The following COL11A1 variants were observed in gnomAD, a reference collection of about 807,000 sequenced individuals.
COL11A1 encodes collagen type XI alpha 1 chain.
A neutral mutation model predicts 265.2 loss-of-function variants in COL11A1; 74 were observed. The observed-to-expected ratio is 0.28, with a 90% CI of 0.23 to 0.34. The LOEUF (loss-of-function observed/expected upper bound fraction) is 0.34. Ranked by LOEUF, COL11A1 falls within the 10% of genes least tolerant of loss-of-function variation. The probability of loss-of-function intolerance (pLI) is 1.00; values close to 1 mark genes in which losing one functional copy is unlikely to be tolerated. For synonymous variants in COL11A1, 816 were observed against 727.6 expected, an observed-to-expected ratio of 1.12 and a Z score of -1.96; for missense variants, 2,165 against 2,263.6, an observed-to-expected ratio of 0.96 and a Z score of 0.88.
chr1:103,006,808 G>A (rs1387485364), intron 15 of COL11A1, among the ~76,000 whole-genome samples: 1 of 152,040 alleles, frequency 6.6e-6, no homozygotes, highest in Non-Finnish European at 1.5e-5. Context: ...GATTACAGGC[G>A]TGAGCCACCG....
rs745667185 is a variant in COL11A1, at chr1:102,962,276, T to A, written c.3025-11A>T. ...AGGACCTGGATCACCCTAAAGAATA[T>A]AATAAACATCGTCAAGACAGATTAA... is the stretch of plus-strand genomic sequence containing the variant. On this transcript the variant is annotated splice_polypyrimidine_tract_variant and intron_variant, in intron 39 of 66. Coordinates refer to ENST00000370096, the MANE Select transcript of COL11A1 (RefSeq NM_001854.4). 5 of 1,592,296 alleles carry A rather than the reference T, an allele frequency of 3.1e-6. No individual in the cohort carries two copies. Among genetic ancestry groups the A allele is most frequent in the Admixed American group, 1.7e-5 (1 of 59,960 alleles).
At position 103,017,833 on chromosome 1, in the gene COL11A1, T is replaced by C; in HGVS notation, c.1400A>G (p.Asp467Gly). The C allele has an allele frequency of 1.9e-6, 3 of 1,613,036 alleles. No individual in the cohort carries two copies. Among genetic ancestry groups the C allele is most frequent in the Non-Finnish European group, 2.5e-6 (3 of 1,179,144 alleles). The change falls in exon 11 of 67, where the codon GAC becomes GGC. Residue 467 changes from aspartate (D) to glycine (G), a missense_variant. Physicochemically the swap from Asp to Gly is moderately conservative, Grantham distance 94. Transcript: ENST00000370096. ...GLQGPTGPPG[D>G]PGDRGPPGRP... ...CCATTCACTTACCCTATCGCCAGGG[T>C]CACCAGGGGGTCCAGTGGGGCCTTG...
intron 4 of COL11A1, among the ~76,000 whole-genome samples, chr1:103,068,438 G>A (rs944308632): frequency 9.2e-5 from 14 of 151,386 alleles, no homozygotes; most frequent in African/African-American, 3.4e-4. Context: ...AAGACAAACA[G>A]TAAATTTCAA....
At chr1:103,045,086 C>G (rs1044441228) in intron 4 of COL11A1, among the ~76,000 whole-genome samples, 1 of 151,844 alleles carries the variant, frequency 6.6e-6, no homozygotes, top group Non-Finnish European at 1.5e-5. Flanking sequence ...AGCCCCAAGG[C>G]AAGAGATTAA....
intron 30 of COL11A1, among the ~76,000 whole-genome samples, chr1:102,987,359 A>C (rs768000041): frequency 3.7e-5 from 5 of 136,130 alleles, no homozygotes; most frequent in Admixed American, 8.4e-5. Flanking sequence ...CACTTGTCAT[A>C]GACATTTCTT....
intron 64 of COL11A1, among the ~76,000 whole-genome samples, chr1:102,882,309 G>A (rs1241181): frequency 0.11 from 16,022 of 152,152 alleles, 983 homozygotes; most frequent in Middle Eastern, 0.19. Context: ...GAACAGCAAA[G>A]GGTATATAAG....
chr1:102,998,146 T>C (rs1664799992), intron 25 of COL11A1, among the ~76,000 whole-genome samples, 164 bp downstream of exon 25: 1 of 151,894 alleles, frequency 6.6e-6, no homozygotes, highest in South Asian at 2.1e-4. Flanking sequence ...GATTTTGCAA[T>C]ATGGAAGTGA....
chr1:103,014,843 T>G (rs546323063), intron 12 of COL11A1, among the ~76,000 whole-genome samples: 1 of 152,250 alleles, frequency 6.6e-6, no homozygotes, highest in East Asian at 1.9e-4. Context: ...CAATTTTAAA[T>G]GCTATAATTT....
At chr1:103,015,826 A>G (rs1331918981) in intron 11 of COL11A1, 84 bp from the exon 12 acceptor site, 1 of 1,031,252 alleles carries the variant, frequency 9.7e-7, no homozygotes, top group Non-Finnish European at 1.4e-6. Flanking sequence ...ACGTAAGTCT[A>G]CTTTATCTAA....
chr1:103,013,184 A>T (rs1232107160), intron 13 of COL11A1, among the ~76,000 whole-genome samples: 2 of 152,094 alleles, frequency 1.3e-5, no homozygotes, highest in African/African-American at 4.8e-5. Context: ...TTTATCACAA[A>T]GATATCAAAA....
At chr1:102,978,306 G>T (rs1212113001) in intron 35 of COL11A1, among the ~76,000 whole-genome samples, 2 of 152,090 alleles carry the variant, frequency 1.3e-5, no homozygotes, top group Non-Finnish European at 2.9e-5. Flanking sequence ...CTGGCTTAAT[G>T]GCTACTAGTA....
At chr1:102,978,547 G>T (rs1662722741) in intron 35 of COL11A1, among the ~76,000 whole-genome samples, 161 bp downstream of exon 35, 1 of 152,022 alleles carries the variant, frequency 6.6e-6, no homozygotes, top group Non-Finnish European at 1.5e-5. Flanking sequence ...TTTTTTATTG[G>T]TGAAGAGGAA....
chr1:103,055,964 A>C (rs190694660), intron 4 of COL11A1, among the ~76,000 whole-genome samples: 1 of 152,338 alleles, frequency 6.6e-6, no homozygotes, highest in Non-Finnish European at 1.5e-5. Context: ...GCAATAAACA[A>C]CTAGCTGACA....
intron 65 of COL11A1, among the ~76,000 whole-genome samples, chr1:102,880,971 A>T (rs1240515578): frequency 6.6e-6 from 1 of 152,072 alleles, no homozygotes; most frequent in Non-Finnish European, 1.5e-5. Flanking sequence ...TTATAACTCC[A>T]GTGGAGAGTG....
Position 103,006,406 on chromosome 1 carries a change from T to C in COL11A1, c.1684-91A>G, listed in dbSNP as rs12035138. 1,121 of 904,466 alleles carry C rather than the reference T, an allele frequency of 1.2e-3. 15 individuals are homozygous for C. In the East Asian group the frequency reaches 0.02, roughly 16 times the overall value. 56.0% of individuals were successfully genotyped at this position (904,466 alleles called of 1,614,324 possible). A position where few individuals can be genotyped will look rare whatever the true frequency, so the allele number is the denominator to read the frequency against. On this transcript the variant is annotated intron_variant, in intron 15 of 66. Transcript: ENST00000370096. ...AGAGAGATGGTTTCAGAAACTAATA[T>C]CCTCTTAGCGTTACCTTAATCATTC... is the stretch of plus-strand genomic sequence containing the variant.
intron 63 of COL11A1, among the ~76,000 whole-genome samples, chr1:102,885,339 A>G (rs1268725126): frequency 6.6e-6 from 1 of 152,012 alleles, no homozygotes; most frequent in Non-Finnish European, 1.5e-5. Flanking sequence ...CTACCTTTAT[A>G]CTTCCAACTG....
intron 41 of COL11A1, among the ~76,000 whole-genome samples, chr1:102,951,418 C>T (rs950551203): frequency 6.6e-6 from 1 of 152,172 alleles, no homozygotes; most frequent in Admixed American, 6.5e-5. Context: ...AGGCGTCACG[C>T]CGGGAGTGGT....
chr1:102,961,918 C>T lies in COL11A1; in HGVS notation c.3116G>A (p.Gly1039Asp). The T allele has an allele frequency of 6.2e-7, 1 of 1,612,470 alleles. No homozygotes were observed. Residue 1039 changes from glycine (G) to aspartate (D), a missense_variant and splice_region_variant, in exon 41 of 67, where the codon GGT becomes GAT. Physicochemically the swap from Gly to Asp is moderately conservative, Grantham distance 94. Coordinates refer to ENST00000370096, the MANE Select transcript of COL11A1 (RefSeq NM_001854.4). ...PGERGLPGAQ[G>D]APGLKGGEGP... ...TTCCCCTCCTTTCAGTCCAGGTGCA[C>T]CCTGGGAAAAGTGAAAAAAATAAAG...
intron 3 of COL11A1, among the ~76,000 whole-genome samples, chr1:103,075,828 T>A (rs1671931525): frequency 6.6e-6 from 1 of 152,126 alleles, no homozygotes; most frequent in South Asian, 2.1e-4. Flanking sequence ...CCAAGTGTAT[T>A]TCCATATACA....
Sources: gnomAD v4.1 joint callset for allele counts (sites outside exome capture counted in the v4.1 genomes callset) on GRCh38, gnomAD v4.1.1 for gene constraint, MANE v1.5 for transcripts, NCBI Gene and HGNC (gene_info 2026-07-23, HGNC 2026-07-21) for gene names.